The following ADK variants were observed in gnomAD, a reference collection of about 807,000 sequenced individuals.
ADK encodes N6,N6-dimethyladenosine kinase.
ADK carries 24 observed loss-of-function variants against 44.7 expected under a neutral mutation model. The ratio of observed to expected loss-of-function variants is 0.54; its 90% CI spans 0.39 to 0.76. The LOEUF is 0.76. ADK is among the 30% of genes least tolerant of loss of function. The pLI is 0.00. For missense variants in ADK, 321 were observed against 425.1 expected, an observed-to-expected ratio of 0.76 and a Z score of 2.15; for synonymous variants, 128 against 142.6, an observed-to-expected ratio of 0.90 and a Z score of 0.73.
chr10:74,693,578 C>T (rs1255761101), intron 10 of ADK, among the ~76,000 whole-genome samples: 8 of 115,130 alleles, frequency 6.9e-5, no homozygotes, highest in Admixed American at 1.8e-4. Context: ...GGAATCCCCC[C>T]GGCATTCCCT....
In ADK at chr10:74,195,707, C is replaced by T. The variant is rs4746184; in HGVS notation, c.66-5057C>T. 7.7e-3 allele frequency among the ~76,000 whole-genome samples: 745 copies of T among 97,376 alleles called. 18 individuals are homozygous for T. The highest frequency in any genetic ancestry group is 0.011 in the African/African-American group (265 of 23,774). 63.9% of individuals were successfully genotyped at this position (97,376 alleles called of 152,430 possible). ...TTCTTTCTTTCTTTTTCTTTTCTTT[C>T]TTTTTTTTTTTTTTTTTTTTGAGGT... On this transcript the variant is annotated intron_variant, in intron 1 of 10. Transcript: ENST00000539909.
intron 1 of ADK, among the ~76,000 whole-genome samples, chr10:74,183,377 A>T (rs933484163): frequency 6.6e-6 from 1 of 152,132 alleles, no homozygotes; most frequent in Non-Finnish European, 1.5e-5. Context: ...GTTCAAGGCC[A>T]GCCTGGGCAA....
rs1844170123 is a variant in ADK at position 74,411,367 on chromosome 10, T to TTAAC, written c.555+12789_555+12792dup. Among the ~76,000 whole-genome samples, 3 of 152,320 alleles carry TTAAC rather than the reference T, an allele frequency of 2.0e-5. 1 individual carries two copies. In the South Asian group the frequency reaches 6.2e-4, roughly 32 times the overall value. ...CACTTCAAGTAAAGCCCAAACTGTG[T>TTAAC]TAACATTTGAGTTAAGCAAAGACAT... On this transcript the variant is annotated intron_variant, in intron 6 of 10. Transcript: ENST00000539909.
At chr10:74,695,562 C>G (rs1856155484) in intron 10 of ADK, among the ~76,000 whole-genome samples, 1 of 149,662 alleles carries the variant, frequency 6.7e-6, no homozygotes, top group Admixed American at 6.7e-5. Flanking sequence ...CAAAGCTGCT[C>G]TCAATGAAAA....
chr10:74,490,242 T>C (rs1245635183), intron 6 of ADK, among the ~76,000 whole-genome samples: 1 of 152,116 alleles, frequency 6.6e-6, no homozygotes, highest in African/African-American at 2.4e-5. Context: ...AACTTCTTTA[T>C]GTATTCATTG....
intron 6 of ADK, among the ~76,000 whole-genome samples, chr10:74,501,296 CTTCAAGATCACTTGTA>C (rs1431350279): frequency 1.3e-5 from 2 of 152,162 alleles, no homozygotes; most frequent in Non-Finnish European, 2.9e-5. Context: ...CAATTAGGTA[CTTCAAGATCACTTGTA>C]TTCTCTGCTT....
intron 4 of ADK, among the ~76,000 whole-genome samples, chr10:74,326,629 A>C (rs1841029455): frequency 6.6e-6 from 1 of 151,968 alleles, no homozygotes; most frequent in South Asian, 2.1e-4. Flanking sequence ...AACAGAACAA[A>C]AATTTTGGTA....
In ADK at chr10:74,683,707, C is replaced by G. The variant is rs1343779096; in HGVS notation, c.964+13438C>G. On this transcript the variant is annotated intron_variant, in intron 10 of 10. Coordinates refer to ENST00000539909, the MANE Select transcript of ADK (RefSeq NM_006721.4). ...AAATTTCATTCAGAAGAGCTGTGCA[C>G]AAAAAGTGGAAATGCATTATTCAAT... is the stretch of plus-strand genomic sequence containing the variant. Among the ~76,000 whole-genome samples, 3 of 152,092 alleles carry G rather than the reference C, an allele frequency of 2.0e-5. 1 individual carries two copies. The South Asian group carries it at 6.2e-4, about 32-fold the overall frequency.
At chr10:74,574,075 G>A (rs1851081407) in intron 7 of ADK, among the ~76,000 whole-genome samples, 1 of 152,086 alleles carries the variant, frequency 6.6e-6, no homozygotes, top group African/African-American at 2.4e-5. Flanking sequence ...AAATGGAAAT[G>A]CAGAAATCAC....
chr10:74,676,980 C>T (rs1855414943), intron 10 of ADK, among the ~76,000 whole-genome samples: 1 of 152,198 alleles, frequency 6.6e-6, no homozygotes, highest in South Asian at 2.1e-4. Flanking sequence ...AGCAGTGGCT[C>T]ACACCTGTAA....
chr10:74,183,241 T>C lies in ADK; in HGVS notation c.66-17523T>C, dbSNP rs889247273. On this transcript the variant is annotated intron_variant, in intron 1 of 10. Coordinates refer to ENST00000539909, the MANE Select transcript of ADK (RefSeq NM_006721.4). ...TGCTGGGATTACAGGCATGAGCCGC[T>C]GTGCCCAGCCACATCCTTGGTTTTA... Among the ~76,000 whole-genome samples the C allele has an allele frequency of 3.3e-5, 5 of 152,310 alleles. No individual in the cohort carries two copies. The South Asian group carries it at 6.2e-4, about 19-fold the overall frequency.
chr10:74,256,385 C>A (rs1289822297), intron 3 of ADK, among the ~76,000 whole-genome samples: 1 of 152,102 alleles, frequency 6.6e-6, no homozygotes, highest in Non-Finnish European at 1.5e-5. Context: ...ATTTGATAGT[C>A]ATTTAATACA....
chr10:74,615,996 A>C (rs530370935), intron 9 of ADK, among the ~76,000 whole-genome samples: 1 of 152,176 alleles, frequency 6.6e-6, no homozygotes, highest in Non-Finnish European at 1.5e-5. Flanking sequence ...GGCGTGAGCC[A>C]TCGTGCCTGG....
intron 4 of ADK, among the ~76,000 whole-genome samples, chr10:74,322,679 A>AT (rs532765884): frequency 1.8e-4 from 28 of 151,796 alleles, no homozygotes; most frequent in African/African-American, 5.8e-4. Flanking sequence ...TCAGTATTTC[A>AT]TTTTTTCCTT....
intron 7 of ADK, among the ~76,000 whole-genome samples, chr10:74,557,783 A>G (rs916814431): frequency 1.3e-5 from 2 of 152,170 alleles, no homozygotes; most frequent in African/African-American, 4.8e-5. Flanking sequence ...TAATCAATAC[A>G]TAGAGGTTAT....
At chr10:74,227,232 A>G (rs1650641353) in intron 3 of ADK, among the ~76,000 whole-genome samples, 1 of 152,220 alleles carries the variant, frequency 6.6e-6, no homozygotes, top group African/African-American at 2.4e-5. Context: ...CAGTAATTCC[A>G]TGCTTTATTC....
intron 4 of ADK, among the ~76,000 whole-genome samples, chr10:74,356,195 T>G (rs1842143415): frequency 6.7e-6 from 1 of 150,338 alleles, no homozygotes. Flanking sequence ...ATTTTTTGTA[T>G]TTTTAGTAGA....
At chr10:74,436,061 A>G (rs779887653) in intron 6 of ADK, among the ~76,000 whole-genome samples, 1 of 152,216 alleles carries the variant, frequency 6.6e-6, no homozygotes, top group African/African-American at 2.4e-5. Flanking sequence ...CTCATTTAAA[A>G]GCAAATGCAT....
At chr10:74,341,916 A>G (rs978815873) in intron 4 of ADK, among the ~76,000 whole-genome samples, 1 of 152,210 alleles carries the variant, frequency 6.6e-6, no homozygotes, top group African/African-American at 2.4e-5. Context: ...AGTAAAACAT[A>G]TACTTAGCAC....
Sources: gnomAD v4.1 joint callset for allele counts (sites outside exome capture counted in the v4.1 genomes callset) on GRCh38, gnomAD v4.1.1 for gene constraint, MANE v1.5 for transcripts, NCBI Gene and HGNC (gene_info 2026-07-23, HGNC 2026-07-21) for gene names.